Variants in HERC2 observed in about 807,000 individuals in gnomAD.
HERC2 encodes HECT and RLD domain containing E3 ubiquitin protein ligase 2, also known as E3 ubiquitin-protein ligase HERC2.
In HERC2, 102 loss-of-function variants were observed where a neutral mutation model predicts 537.7. That is an observed-to-expected ratio of 0.19 (90% CI 0.16 to 0.22). HERC2 has a LOEUF of 0.22. Ranked by LOEUF, HERC2 falls within the 10% of genes least tolerant of loss-of-function variation. The pLI is 1.00. For missense variants in HERC2, 4,236 were observed against 6,198.2 expected (o/e 0.68, Z 10.63); for synonymous variants, 2,224 against 2,466.2 (o/e 0.90, Z 2.91).
At chr15:28,301,636 A>C (rs1313947793) in intron 2 of HERC2, among the ~76,000 whole-genome samples, 1 of 108,336 alleles carries the variant, frequency 9.2e-6, no homozygotes, top group Non-Finnish European at 1.6e-5. Context: ...CTTGTCTGGC[A>C]AAAAAAAAAA....
In HERC2 at chr15:28,274,302, G is replaced by C; in HGVS notation, c.789C>G (p.Ser263=). Residue 263 remains serine (S), a synonymous_variant, in exon 7 of 93, where the codon TCC becomes TCG. Transcript: ENST00000261609. Reference sequence around the variant, plus strand: ...AGGAAAGAACTCACCCCGTCACGACGGACCTGAGGAACCTGGTCGCTCTCT... The same window carrying C: ...AGGAAAGAACTCACCCCGTCACGACCGACCTGAGGAACCTGGTCGCTCTCT... ...VVERATRFLR[S]VVTGDVHGTP... is the part of the protein sequence containing the mutation. 2 of 1,614,176 alleles carry C rather than the reference G, an allele frequency of 1.2e-6. No individual in the cohort carries two copies. The highest frequency in any genetic ancestry group is 1.7e-6 in the Non-Finnish European group (2 of 1,180,012).
At chr15:28,240,396 C>T (rs573483337) in intron 23 of HERC2, among the ~76,000 whole-genome samples, 12 of 151,358 alleles carry the variant, frequency 7.9e-5, no homozygotes, top group African/African-American at 2.7e-4. Flanking sequence ...CCCGCCTGGG[C>T]GAAAGAGCGA....
chr15:28,176,639 A>G lies in HERC2; in HGVS notation c.9515-40T>C, dbSNP rs200144914. On this transcript the variant is annotated intron_variant, in intron 62 of 92. Transcript: ENST00000261609. This position sits in a 1 kb window ranked among gnomAD's most constrained non-coding sequence, Gnocchi z 5.0. Reference sequence around the variant, plus strand: ...CACATATACTTCAGGCCAGCGTTTCATATCATTCCTACCCACCCAGAAGCA... The same window carrying G: ...CACATATACTTCAGGCCAGCGTTTCGTATCATTCCTACCCACCCAGAAGCA... The G allele has an allele frequency of 2.5e-5, 41 of 1,613,982 alleles. No homozygotes were observed. The Middle Eastern group carries it at 4.9e-4, about 19-fold the overall frequency.
chr15:28,311,081 A>C (rs1254577963), intron 2 of HERC2, among the ~76,000 whole-genome samples: 25 of 144,854 alleles, frequency 1.7e-4, no homozygotes, highest in African/African-American at 6.2e-4. Flanking sequence ...CATCTCAAAA[A>C]AAAAAAAAAA....
chr15:28,168,546 G>A lies in HERC2; in HGVS notation c.10274C>T (p.Pro3425Leu), dbSNP rs147705404. The A allele has an allele frequency of 7.4e-4, 1,197 of 1,614,176 alleles. 11 individuals are homozygous for A. The African/African-American group carries it at 0.014, about 19-fold the overall frequency. ...GALMPAAMIA[P>L]VECPSFSSAA... is the part of the protein sequence containing the mutation. ...CGAGGAGAACGAGGGGCACTCCACC[G>A]GGGCGATCATGGCGGCCGGCATCAG... The change falls in exon 67 of 93, where the codon CCG becomes CTG. Residue 3425 changes from proline (P) to leucine (L), a missense_variant. Physicochemically the swap from Pro to Leu is moderately conservative, Grantham distance 98. Coordinates refer to ENST00000261609, the MANE Select transcript of HERC2 (RefSeq NM_004667.6).
intron 80 of HERC2, 83 bp downstream of exon 80, chr15:28,132,570 A>T: frequency 7.8e-7 from 1 of 1,275,792 alleles, no homozygotes; most frequent in Non-Finnish European, 1.0e-6. Flanking sequence ...CATTTTTCAT[A>T]ACAACGGTGG....
chr15:28,182,904 C>G (rs1895959511), intron 56 of HERC2, among the ~76,000 whole-genome samples: 1 of 152,190 alleles, frequency 6.6e-6, no homozygotes, highest in Admixed American at 6.5e-5. Flanking sequence ...TGCCCAGGAG[C>G]CACGCTGGGT....
chr15:28,283,153 G>A (rs981569024), intron 4 of HERC2, among the ~76,000 whole-genome samples: 8 of 150,012 alleles, frequency 5.3e-5, no homozygotes, highest in Admixed American at 2.0e-4. Flanking sequence ...TGTACTCTAC[G>A]AAGTGATGGC....
rs571567100 is a variant in HERC2, at chr15:28,209,351, TTA to T, written c.7069+1649_7069+1650del. Among the ~76,000 whole-genome samples the T allele has an allele frequency of 2.8e-3, 426 of 152,240 alleles. 3 individuals carry two copies. The highest frequency in any genetic ancestry group is 9.7e-3 in the African/African-American group (403 of 41,542). ...TATCATTTATTTTATTTTTATTTATTTATTTTTTTTGAGACAGAGTCTCGCTC... is the reference window on the plus strand; with the variant it reads ...TATCATTTATTTTATTTTTATTTATTTTTTTTTTGAGACAGAGTCTCGCTC... On this transcript the variant is annotated intron_variant, in intron 44 of 92. Coordinates refer to ENST00000261609, the MANE Select transcript of HERC2 (RefSeq NM_004667.6).
intron 35 of HERC2, among the ~76,000 whole-genome samples, chr15:28,222,972 C>G (rs1283988035): frequency 1.3e-5 from 2 of 152,050 alleles, no homozygotes; most frequent in Non-Finnish European, 2.9e-5. Flanking sequence ...CTGGACTTTA[C>G]CCATGTCCTT....
Position 28,269,362 on chromosome 15 carries a change from C to T in HERC2, c.1332G>A (p.Gln444=), listed in dbSNP as rs117702353. ...CTCCCAGGTTGGCCAGGCCTTCGCA[C>T]TGGATTGGACCAATCACATTGGCAT... The part of the protein sequence containing the change: ...KYYANVIGPI[Q]CEGLANLGVT... Residue 444 remains glutamine, a synonymous_variant, in exon 11 of 93, where the codon CAG becomes CAA. Transcript: ENST00000261609. The T allele has an allele frequency of 8.1e-6, 13 of 1,614,192 alleles. No homozygotes were observed. The highest frequency in any genetic ancestry group is 1.0e-5 in the Non-Finnish European group (12 of 1,180,026).
intron 37 of HERC2, among the ~76,000 whole-genome samples, chr15:28,220,091 G>C (rs570369970): frequency 6.6e-6 from 1 of 152,306 alleles, no homozygotes; most frequent in Admixed American, 6.5e-5. Flanking sequence ...CGAGACCACA[G>C]GGCAATTCCA....
At chr15:28,292,646 T>A (rs1157924627) in intron 4 of HERC2, among the ~76,000 whole-genome samples, 9 of 152,092 alleles carry the variant, frequency 5.9e-5, no homozygotes, top group Admixed American at 5.2e-4. Context: ...TGAGATTCTG[T>A]CTCTAATTAG....
intron 20 of HERC2, among the ~76,000 whole-genome samples, chr15:28,252,621 G>A (rs2075120357): frequency 6.6e-6 from 1 of 152,128 alleles, no homozygotes; most frequent in African/African-American, 2.4e-5. Flanking sequence ...ATGTGAACAA[G>A]CTGTTGCAAC....
At chr15:28,201,374 C>T (rs1897888830) in intron 48 of HERC2, 82 bp downstream of exon 48, 5 of 921,604 alleles carry the variant, frequency 5.4e-6, no homozygotes, top group Non-Finnish European at 9.0e-6. Flanking sequence ...CCTCTGTCCA[C>T]TGATGTTTGG....
chr15:28,211,971 C>T (rs891608236), intron 43 of HERC2, among the ~76,000 whole-genome samples: 3 of 152,256 alleles, frequency 2.0e-5, no homozygotes, highest in South Asian at 2.1e-4. Context: ...TCAGGAGAGC[C>T]GCATTCTACA....
chr15:28,206,934 C>G (rs1037108865), intron 44 of HERC2, among the ~76,000 whole-genome samples: 1 of 150,754 alleles, frequency 6.6e-6, no homozygotes, highest in Admixed American at 6.6e-5. Context: ...TTGCTTGAAC[C>G]AGGGAGTTGG....
chr15:28,139,929 G>A (rs1233884462), intron 78 of HERC2, among the ~76,000 whole-genome samples: 2 of 151,140 alleles, frequency 1.3e-5, no homozygotes, highest in East Asian at 1.9e-4. Flanking sequence ...TTAGCCAGGC[G>A]TGGTGGCGGG....
intron 68 of HERC2, among the ~76,000 whole-genome samples, chr15:28,164,067 G>T: frequency 6.6e-6 from 1 of 152,090 alleles, no homozygotes; most frequent in East Asian, 1.9e-4. Context: ...TCAGTGCCAG[G>T]GACTCCCACC....
Sources: gnomAD v4.1 joint callset for allele counts (sites outside exome capture counted in the v4.1 genomes callset) on GRCh38, gnomAD v4.1.1 for gene constraint, Gnocchi (gnomAD v3.1) non-coding constraint, MANE v1.5 for transcripts, NCBI Gene and HGNC (gene_info 2026-07-23, HGNC 2026-07-21) for gene names.